KIAA0825: variants seen among roughly 807,000 people sequenced by gnomAD.
KIAA0825 encodes uncharacterized protein KIAA0825.
In KIAA0825, 119 loss-of-function variants were observed where a neutral mutation model predicts 147.6. The ratio of observed to expected loss-of-function variants is 0.81; its 90% CI spans 0.69 to 0.94. KIAA0825 has a LOEUF of 0.94. Ranked by LOEUF, KIAA0825 falls within the 40% of genes least tolerant of loss-of-function variation. The pLI is 0.00. For missense variants in KIAA0825, 1,381 were observed against 1,472.7 expected (o/e 0.94, Z 1.02); for synonymous variants, 470 against 518.1 (o/e 0.91, Z 1.26).
chr5:94,334,211 C>T (rs1196731770), intron 20 of KIAA0825, among the ~76,000 whole-genome samples: 1 of 152,076 alleles, frequency 6.6e-6, no homozygotes, highest in Non-Finnish European at 1.5e-5. Flanking sequence ...AAGTTGTCTG[C>T]CTTCGCTACT....
At chr5:94,187,128 C>T (rs1770187490) in intron 20 of KIAA0825, among the ~76,000 whole-genome samples, 2 of 152,078 alleles carry the variant, frequency 1.3e-5, no homozygotes, top group African/African-American at 4.8e-5. Flanking sequence ...AGACTGGGAA[C>T]AAGGACGCTG....
intron 1 of KIAA0825, among the ~76,000 whole-genome samples, chr5:94,600,496 TC>T (rs1786197802): frequency 6.6e-6 from 1 of 152,098 alleles, no homozygotes; most frequent in Non-Finnish European, 1.5e-5. Context: ...TATTTTATAA[TC>T]ATTTTTGTCA....
chr5:94,603,316 G>A (rs1367488422), intron 1 of KIAA0825, among the ~76,000 whole-genome samples: 8 of 151,982 alleles, frequency 5.3e-5, no homozygotes, highest in East Asian at 1.9e-4. Context: ...TTTTGTATCC[G>A]GCCAAACTAA....
At chr5:94,319,528 G>T (rs1294861025) in intron 20 of KIAA0825, among the ~76,000 whole-genome samples, 1 of 151,750 alleles carries the variant, frequency 6.6e-6, no homozygotes, top group Non-Finnish European at 1.5e-5. Context: ...CCCAAAACTT[G>T]ATTCTCTCCC....
intron 20 of KIAA0825, among the ~76,000 whole-genome samples, chr5:94,335,672 A>C (rs576832507): frequency 6.6e-6 from 1 of 152,230 alleles, no homozygotes; most frequent in South Asian, 2.1e-4. Context: ...AATATGAAAT[A>C]ATAATTGATT....
intron 3 of KIAA0825, among the ~76,000 whole-genome samples, chr5:94,532,634 C>T (rs1368396415): frequency 6.6e-6 from 1 of 151,644 alleles, no homozygotes; most frequent in Non-Finnish European, 1.5e-5. Flanking sequence ...TCAAGCAATC[C>T]TCCCACCTCA....
intron 20 of KIAA0825, among the ~76,000 whole-genome samples, chr5:94,215,573 A>G (rs1773119315): frequency 6.6e-6 from 1 of 152,136 alleles, no homozygotes; most frequent in Non-Finnish European, 1.5e-5. Context: ...GAGGAATAGA[A>G]GTCTGTTCTC....
At chr5:94,379,906 T>G (rs1286978335) in intron 20 of KIAA0825, among the ~76,000 whole-genome samples, 1 of 140,488 alleles carries the variant, frequency 7.1e-6, no homozygotes, top group African/African-American at 2.7e-5. Flanking sequence ...CAGGCTGCAG[T>G]GCAGTGGCAT....
chr5:94,559,949 G>A (rs1777263004), intron 2 of KIAA0825, among the ~76,000 whole-genome samples: 1 of 152,194 alleles, frequency 6.6e-6, no homozygotes, highest in African/African-American at 2.4e-5. Context: ...TAAAGAATCT[G>A]CATTAATGCA....
chr5:94,157,338 C>G (rs961426686), intron 20 of KIAA0825, among the ~76,000 whole-genome samples: 2 of 152,130 alleles, frequency 1.3e-5, no homozygotes, highest in African/African-American at 4.8e-5. Flanking sequence ...GCAGTCAAGT[C>G]TCATGAGACT....
chr5:94,467,562 G>A (rs550348781), intron 10 of KIAA0825, among the ~76,000 whole-genome samples: 2 of 152,256 alleles, frequency 1.3e-5, no homozygotes, highest in East Asian at 1.9e-4. Flanking sequence ...CTGTGCCATC[G>A]TGACCAGCAC....
At chr5:94,228,551 C>G (rs538866564) in intron 20 of KIAA0825, among the ~76,000 whole-genome samples, 2 of 152,290 alleles carry the variant, frequency 1.3e-5, no homozygotes, top group South Asian at 4.1e-4. Flanking sequence ...TTTCCAGAAG[C>G]TCTGCTCAGC....
At chr5:94,198,718 T>C (rs2150017066) in intron 20 of KIAA0825, among the ~76,000 whole-genome samples, 1 of 152,264 alleles carries the variant, frequency 6.6e-6, no homozygotes, top group East Asian at 1.9e-4. Flanking sequence ...CCTATGTGCC[T>C]AGATAACCAA....
At chr5:94,574,028 T>C (rs1780489591) in intron 2 of KIAA0825, among the ~76,000 whole-genome samples, 1 of 152,026 alleles carries the variant, frequency 6.6e-6, no homozygotes, top group Non-Finnish European at 1.5e-5. Context: ...GTGATACAAG[T>C]ATCAAATAAT....
At chr5:94,155,650 C>T (rs1439218353) in intron 20 of KIAA0825, among the ~76,000 whole-genome samples, 1 of 152,108 alleles carries the variant, frequency 6.6e-6, no homozygotes, top group Non-Finnish European at 1.5e-5. Flanking sequence ...TGAAAAGTGA[C>T]ACCTGGTTTC....
intron 20 of KIAA0825, among the ~76,000 whole-genome samples, chr5:94,314,760 T>G (rs1779490825): frequency 1.3e-5 from 2 of 151,608 alleles, no homozygotes; most frequent in Non-Finnish European, 3.0e-5. Flanking sequence ...CCTACTACTT[T>G]CTTTTTCTGA....
At chr5:94,362,073 C>T (rs543380849) in intron 20 of KIAA0825, among the ~76,000 whole-genome samples, 1 of 152,282 alleles carries the variant, frequency 6.6e-6, no homozygotes, top group African/African-American at 2.4e-5. Flanking sequence ...ACCAAGAGTG[C>T]CCTCATGAAG....
At chr5:94,464,064 C>CAA (rs11364703) in intron 11 of KIAA0825, among the ~76,000 whole-genome samples, 32 of 90,278 alleles carry the variant, frequency 3.5e-4, no homozygotes, top group South Asian at 1.7e-3. Flanking sequence ...TTCCTCCTGC[C>CAA]AAAAAAAAAA....
intron 1 of KIAA0825, among the ~76,000 whole-genome samples, chr5:94,598,606 TATTATC>T (rs1234347184): frequency 2.6e-5 from 4 of 152,300 alleles, no homozygotes; most frequent in African/African-American, 7.2e-5. Context: ...CACAGTCATT[TATTATC>T]ATTATCAACT....
Sources: gnomAD v4.1 joint callset for allele counts (sites outside exome capture counted in the v4.1 genomes callset) on GRCh38, gnomAD v4.1.1 for gene constraint, MANE v1.5 for transcripts, NCBI Gene and HGNC (gene_info 2026-07-23, HGNC 2026-07-21) for gene names.